The following STX8 variants were observed in gnomAD, a reference collection of about 807,000 sequenced individuals.
The protein encoded by STX8 is syntaxin-8.
STX8 carries 23 observed loss-of-function variants against 37.5 expected under a neutral mutation model. The ratio of observed to expected loss-of-function variants is 0.61; its 90% CI spans 0.44 to 0.87. The LOEUF is 0.87. STX8 is among the 40% of genes least tolerant of loss of function. STX8 has a pLI of 0.00. For synonymous variants in STX8, 115 were observed against 99.1 expected (o/e 1.16, Z -0.95); for missense variants, 313 against 284.7 (o/e 1.10, Z -0.71).
chr17:9,513,226 C>A (rs1346385187), intron 4 of STX8, among the ~76,000 whole-genome samples: 4 of 147,930 alleles, frequency 2.7e-5, no homozygotes, highest in African/African-American at 1.0e-4. Flanking sequence ...ATGAGCTAGG[C>A]ATGGTGGCAT....
intron 6 of STX8, among the ~76,000 whole-genome samples, chr17:9,460,341 G>C (rs540325667): frequency 5.4e-4 from 82 of 152,146 alleles, no homozygotes; most frequent in African/African-American, 1.9e-3. Flanking sequence ...AGGTAGATAA[G>C]CACAGTCATA....
intron 2 of STX8, among the ~76,000 whole-genome samples, chr17:9,561,821 G>T (rs1907247720): frequency 6.6e-6 from 1 of 151,862 alleles, no homozygotes; most frequent in South Asian, 2.1e-4. Flanking sequence ...GTGTTCAAAA[G>T]GCTTAAAATG....
chr17:9,458,092 T>C (rs2142413607), intron 6 of STX8, among the ~76,000 whole-genome samples: 1 of 152,338 alleles, frequency 6.6e-6, no homozygotes, highest in African/African-American at 2.4e-5. Context: ...TTACTATGTA[T>C]TCTAGTTATG....
At chr17:9,505,706 T>C (rs2142500819) in intron 4 of STX8, among the ~76,000 whole-genome samples, 1 of 152,246 alleles carries the variant, frequency 6.6e-6, no homozygotes, top group African/African-American at 2.4e-5. Flanking sequence ...TCTGGGAGGC[T>C]GAGGCGGGCA....
chr17:9,290,565 T>C (rs1908279411), intron 7 of STX8, among the ~76,000 whole-genome samples: 1 of 152,236 alleles, frequency 6.6e-6, no homozygotes, highest in East Asian at 1.9e-4. Context: ...CAAAACTGCA[T>C]TCACTTCCTT....
intron 7 of STX8, among the ~76,000 whole-genome samples, chr17:9,366,258 G>T (rs1481019519): frequency 6.6e-6 from 1 of 152,156 alleles, no homozygotes; most frequent in Non-Finnish European, 1.5e-5. Context: ...TTGAAACAGA[G>T]TCTCACTTTG....
intron 4 of STX8, among the ~76,000 whole-genome samples, chr17:9,540,987 A>G (rs771091941): frequency 2.6e-5 from 4 of 152,110 alleles, no homozygotes; most frequent in Non-Finnish European, 5.9e-5. Flanking sequence ...AGTCCACCAC[A>G]TGGATCAGCC....
chr17:9,400,414 T>A (rs1295596287), intron 6 of STX8, among the ~76,000 whole-genome samples: 3 of 151,246 alleles, frequency 2.0e-5, no homozygotes, highest in African/African-American at 4.9e-5. Context: ...TATTTATTTT[T>A]TTTTTTTTGA....
rs990014770 is a variant in STX8, at chr17:9,352,490, C to A, written c.643+26062G>T. 1.3e-3 allele frequency among the ~76,000 whole-genome samples: 136 copies of A among 105,678 alleles called. 1 individual carries two copies. Among genetic ancestry groups the A allele is most frequent in the Admixed American group, 3.9e-3 (33 of 8,444 alleles). The allele number at this position is 105,678 out of a possible 152,430, so 69.3% of individuals were successfully genotyped here. The stretch of plus-strand genomic sequence containing the variant: ...ACTTTTTTTTTTTTTTTTTTTGAGA[C>A]GGAGTCTTGCTCTGTGGCCCAGGCG... On this transcript the variant is annotated intron_variant, in intron 7 of 7. Coordinates refer to ENST00000306357, the MANE Select transcript of STX8 (RefSeq NM_004853.3).
chr17:9,281,653 G>A (rs1487199197), intron 7 of STX8, among the ~76,000 whole-genome samples: 1 of 152,138 alleles, frequency 6.6e-6, no homozygotes, highest in Non-Finnish European at 1.5e-5. Context: ...ATATTAAAAG[G>A]CTGGGCACAG....
rs1025047806 is a variant in STX8, at chr17:9,250,601, C to G, written c.688G>C (p.Val230Leu). Residue 230 changes from valine to leucine, a missense_variant, in exon 8 of 8, where the codon GTT (valine) becomes CTT (leucine). Physicochemically the swap from Val to Leu is conservative, Grantham distance 32. Coordinates refer to ENST00000306357, the MANE Select transcript of STX8 (RefSeq NM_004853.3). ...CATCAGTTGGTCGGCCAGACTGCAA[C>G]AACCACGATAGCCACAAGCAGCAGT... ...ILLLLVAIVVVAVWPTN is the reference protein window; with the variant it reads ...ILLLLVAIVVLAVWPTN 4.2e-5 allele frequency: 67 copies of G among 1,599,020 alleles called. 1 individual carries two copies. The highest frequency in any genetic ancestry group is 5.5e-5 in the Non-Finnish European group (65 of 1,173,228).
chr17:9,250,476 G>T lies in STX8; in HGVS notation c.*102C>A. Reference sequence around the variant, plus strand: ...CTGAAGCAATGCACAAGAGGTCAGAGCTTTGGGGGAATTTATTGAGAGCAG... The same window carrying T: ...CTGAAGCAATGCACAAGAGGTCAGATCTTTGGGGGAATTTATTGAGAGCAG... On this transcript the variant is annotated 3_prime_UTR_variant, in exon 8 of 8. Coordinates refer to ENST00000306357, the MANE Select transcript of STX8 (RefSeq NM_004853.3). The T allele has an allele frequency of 1.8e-6, 2 of 1,133,624 alleles. No homozygotes were observed. The highest frequency in any genetic ancestry group is 2.6e-6 in the Non-Finnish European group (2 of 770,048). 70.2% of individuals were successfully genotyped at this position (1,133,624 alleles called of 1,614,324 possible).
intron 4 of STX8, among the ~76,000 whole-genome samples, chr17:9,519,458 C>G (rs1412176127): frequency 6.6e-6 from 1 of 152,120 alleles, no homozygotes; most frequent in Admixed American, 6.6e-5. Context: ...ACTGCCCTCC[C>G]CATTGGTACT....
chr17:9,363,224 T>C (rs1475698338), intron 7 of STX8, among the ~76,000 whole-genome samples: 1 of 152,236 alleles, frequency 6.6e-6, no homozygotes, highest in Non-Finnish European at 1.5e-5. Flanking sequence ...TGATTTTACA[T>C]GTGAAAAGAC....
At chr17:9,458,631 T>A (rs1905257922) in intron 6 of STX8, among the ~76,000 whole-genome samples, 1 of 152,224 alleles carries the variant, frequency 6.6e-6, no homozygotes, top group Admixed American at 6.5e-5. Flanking sequence ...GCTCTCGTGC[T>A]CTTGTTCCTC....
chr17:9,512,719 A>T (rs1345213273), intron 4 of STX8, among the ~76,000 whole-genome samples: 1 of 152,164 alleles, frequency 6.6e-6, no homozygotes, highest in Non-Finnish European at 1.5e-5. Flanking sequence ...CTGGGATCAC[A>T]GATGTGAACC....
At position 9,545,114 on chromosome 17, in the gene STX8, A is replaced by G. The variant is rs929603814; in HGVS notation, c.323+58T>C. On this transcript the variant is annotated intron_variant, in intron 4 of 7. Transcript: ENST00000306357. The stretch of plus-strand genomic sequence containing the variant: ...AGTAAGCCATTCAGGAAACAGCTGT[A>G]GTATCTGCAAAGAAGTCTTCGCCCA... 5.6e-6 allele frequency: 6 copies of G among 1,069,374 alleles called. No homozygotes were observed. In the Admixed American group the frequency reaches 1.1e-4, roughly 20 times the overall value. The allele number at this position is 1,069,374 out of a possible 1,614,324, so 66.2% of individuals were successfully genotyped here. A position where few individuals can be genotyped will look rare whatever the true frequency, so the allele number is the denominator to read the frequency against.
intron 5 of STX8, among the ~76,000 whole-genome samples, chr17:9,502,643 AG>A (rs1231787706): frequency 6.6e-6 from 1 of 152,224 alleles, no homozygotes; most frequent in Non-Finnish European, 1.5e-5. Flanking sequence ...TATTTACCCC[AG>A]AAAAAATGCA....
chr17:9,334,487 T>C (rs1008200796), intron 7 of STX8, among the ~76,000 whole-genome samples: 1 of 152,180 alleles, frequency 6.6e-6, no homozygotes, highest in Non-Finnish European at 1.5e-5. Flanking sequence ...GCTTGGAGGT[T>C]AGAGGCAAGA....
Sources: gnomAD v4.1 joint callset for allele counts (sites outside exome capture counted in the v4.1 genomes callset) on GRCh38, gnomAD v4.1.1 for gene constraint, MANE v1.5 for transcripts, NCBI Gene and HGNC (gene_info 2026-07-23, HGNC 2026-07-21) for gene names.